Variants in MCTP1 observed in about 807,000 individuals in gnomAD.
The protein encoded by MCTP1 is multiple C2 and transmembrane domain-containing protein 1.
Under a neutral mutation model 120.6 loss-of-function variants are expected in MCTP1, and 69 were observed. That is an observed-to-expected ratio of 0.57 (90% CI 0.47 to 0.70). The LOEUF (loss-of-function observed/expected upper bound fraction) is 0.70. Ranked by LOEUF, MCTP1 falls within the 30% of genes least tolerant of loss-of-function variation. The pLI is 0.00. For missense variants in MCTP1, 1,203 were observed against 1,248.8 expected, an observed-to-expected ratio of 0.96 and a Z score of 0.55; for synonymous variants, 529 against 493.1, an observed-to-expected ratio of 1.07 and a Z score of -0.96.
At chr5:95,110,213 A>G (rs1173653260) in intron 1 of MCTP1, among the ~76,000 whole-genome samples, 1 of 152,092 alleles carries the variant, frequency 6.6e-6, no homozygotes, top group African/African-American at 2.4e-5. Flanking sequence ...CATAATATAG[A>G]TAATGTGAAT....
At chr5:94,972,062 G>C (rs927740200) in intron 2 of MCTP1, among the ~76,000 whole-genome samples, 2 of 152,034 alleles carry the variant, frequency 1.3e-5, no homozygotes, top group African/African-American at 4.8e-5. Context: ...CCTTCTGCGT[G>C]GTCTCTCTGC....
intron 2 of MCTP1, among the ~76,000 whole-genome samples, chr5:94,957,669 A>G (rs1033656488): frequency 1.3e-5 from 2 of 152,096 alleles, no homozygotes; most frequent in African/African-American, 4.8e-5. Context: ...AAAAAAGAGA[A>G]AGAAGGGAAT....
intron 18 of MCTP1, among the ~76,000 whole-genome samples, chr5:94,782,611 C>T (rs1168308167): frequency 6.6e-6 from 1 of 152,064 alleles, no homozygotes; most frequent in African/African-American, 2.4e-5. Flanking sequence ...TCAAATACCA[C>T]CGCTATTTAG....
intron 1 of MCTP1, among the ~76,000 whole-genome samples, chr5:95,072,313 A>C (rs1276612251): frequency 6.6e-6 from 1 of 152,220 alleles, no homozygotes; most frequent in Non-Finnish European, 1.5e-5. Context: ...CACTAAACAA[A>C]ACAAATTACA....
At chr5:94,860,457 G>A (rs1003991486) in intron 17 of MCTP1, among the ~76,000 whole-genome samples, 3 of 151,694 alleles carry the variant, frequency 2.0e-5, no homozygotes, top group African/African-American at 7.3e-5. Context: ...TTGCATAAGA[G>A]AGAAGATAAA....
chr5:94,927,951 A>C (rs752397964), intron 6 of MCTP1, among the ~76,000 whole-genome samples: 1 of 152,172 alleles, frequency 6.6e-6, no homozygotes, highest in Non-Finnish European at 1.5e-5. Context: ...TTATTAAAAA[A>C]AGATATAAGC....
intron 1 of MCTP1, among the ~76,000 whole-genome samples, chr5:95,139,325 A>T (rs1200544462): frequency 1.3e-5 from 2 of 152,256 alleles, no homozygotes; most frequent in African/African-American, 4.8e-5. Flanking sequence ...ACATGAGGAA[A>T]CAGGGTTAGA....
intron 6 of MCTP1, among the ~76,000 whole-genome samples, chr5:94,928,857 G>A (rs781234778): frequency 2.6e-4 from 40 of 152,146 alleles, no homozygotes; most frequent in Middle Eastern, 3.4e-3. Context: ...GAAAAAATAA[G>A]TTAGTCCTGA....
At chr5:94,859,723 T>G (rs1307893669) in intron 17 of MCTP1, among the ~76,000 whole-genome samples, 1 of 151,762 alleles carries the variant, frequency 6.6e-6, no homozygotes, top group African/African-American at 2.4e-5. Flanking sequence ...TATGAATTAC[T>G]TTTCTGAGTG....
intron 7 of MCTP1, among the ~76,000 whole-genome samples, chr5:94,921,592 A>C (rs1660404063): frequency 6.6e-6 from 1 of 152,226 alleles, no homozygotes; most frequent in African/African-American, 2.4e-5. Context: ...TTTCATATAC[A>C]TCTCCTCTAA....
At chr5:94,815,286 T>C (rs559451881) in intron 17 of MCTP1, among the ~76,000 whole-genome samples, 2 of 152,324 alleles carry the variant, frequency 1.3e-5, no homozygotes, top group Admixed American at 6.5e-5. Flanking sequence ...TTAATATTTT[T>C]CATGATAAAG....
intron 1 of MCTP1, among the ~76,000 whole-genome samples, chr5:95,114,579 G>C (rs1757684479): frequency 6.6e-6 from 1 of 152,322 alleles, no homozygotes; most frequent in Admixed American, 6.5e-5. Context: ...TGTGGAAAGG[G>C]GAGGGAAGAG....
intron 1 of MCTP1, among the ~76,000 whole-genome samples, chr5:95,102,682 G>A (rs181083421): frequency 6.6e-6 from 1 of 151,898 alleles, no homozygotes; most frequent in East Asian, 1.9e-4. Flanking sequence ...ACAAGGTATT[G>A]TAACAATCCA....
chr5:95,143,984 C>T (rs568598170), intron 1 of MCTP1, among the ~76,000 whole-genome samples: 11 of 152,230 alleles, frequency 7.2e-5, no homozygotes, highest in African/African-American at 2.4e-4. Flanking sequence ...CTCCAAACTG[C>T]ATTCATTCCA....
At chr5:94,847,007 G>C (rs74528225) in intron 17 of MCTP1, among the ~76,000 whole-genome samples, 2,361 of 152,266 alleles carry the variant, frequency 0.016, 40 homozygotes, top group Non-Finnish European at 0.021. Flanking sequence ...AACTTGGGAA[G>C]CAGGGCCCAG....
In MCTP1 at chr5:94,942,395, G is replaced by C; in HGVS notation, c.1014C>G (p.Asp338Glu). Reference protein sequence around the residue: ...VFDYDFGLQDDFMGSAFLDLT... With the variant: ...VFDYDFGLQDEFMGSAFLDLT... ...GATCCAGAAAGGCTGAGCCCATAAA[G>C]TCATCCTGTAGTCCAAAATCATAGT... Residue 338 changes from aspartate to glutamate, a missense_variant, in exon 4 of 23, where the codon GAC (aspartate) becomes GAG (glutamate). Asp to Glu is a conservative substitution (Grantham distance 45, BLOSUM62 2). Around this residue, in one of 2 missense-constraint regions of MCTP1, gnomAD observed 740 missense variants for 871.1 expected, o/e 0.85. Coordinates refer to ENST00000515393, the MANE Select transcript of MCTP1 (RefSeq NM_024717.7). 6.2e-7 allele frequency: 1 copy of C among 1,611,224 alleles called. No individual in the cohort carries two copies. The highest frequency in any genetic ancestry group is 8.5e-7 in the Non-Finnish European group (1 of 1,178,168).
Position 94,707,146 on chromosome 5 carries a change from G to GTAA in MCTP1, c.*349_*350insTTA, listed in dbSNP as rs1754821096. The GTAA allele has an allele frequency of 6.0e-6, 1 of 167,064 alleles. No homozygotes were observed. Among genetic ancestry groups the GTAA allele is most frequent in the East Asian group, 1.6e-4 (1 of 6,150 alleles). 10.3% of individuals were successfully genotyped at this position (167,064 alleles called of 1,614,324 possible). A position where few individuals can be genotyped will look rare whatever the true frequency, so the allele number is the denominator to read the frequency against. On this transcript the variant is annotated 3_prime_UTR_variant, in exon 23 of 23. Coordinates refer to ENST00000515393, the MANE Select transcript of MCTP1 (RefSeq NM_024717.7). ...TAAAATCAAATCGACATTTACAATTGATGTAGATTTAATCAGAGCACAGGT... is the reference window on the plus strand; with the variant it reads ...TAAAATCAAATCGACATTTACAATTGTAAATGTAGATTTAATCAGAGCACAGGT...
chr5:95,017,766 C>CAATTCAACT (rs1837397234), intron 1 of MCTP1, among the ~76,000 whole-genome samples: 1 of 152,078 alleles, frequency 6.6e-6, no homozygotes, highest in Non-Finnish European at 1.5e-5. Context: ...AGTCTCCACA[C>CAATTCAACT]AATTCAACTA....
intron 1 of MCTP1, among the ~76,000 whole-genome samples, chr5:95,091,110 C>G (rs1340283116): frequency 6.6e-6 from 1 of 152,112 alleles, no homozygotes; most frequent in Non-Finnish European, 1.5e-5. Flanking sequence ...CCCCCCAACC[C>G]CAAACCTACT....
Sources: allele counts gnomAD v4.1 joint callset (sites outside exome capture counted in the v4.1 genomes callset), GRCh38; gene constraint gnomAD v4.1.1; regional missense constraint gnomAD v4.1.1; transcripts MANE v1.5; gene names NCBI Gene and HGNC (gene_info 2026-07-23, HGNC 2026-07-21).